The following IST1 variants were observed in gnomAD, a reference collection of about 807,000 sequenced individuals.
IST1 encodes IST1 homolog.
Under a neutral mutation model 37.0 loss-of-function variants are expected in IST1, and 23 were observed. The ratio of observed to expected loss-of-function variants is 0.62; its 90% CI spans 0.45 to 0.88. The LOEUF is 0.88. Ranked by LOEUF, IST1 falls within the 40% of genes least tolerant of loss-of-function variation. The pLI, the probability that IST1 is intolerant of heterozygous loss-of-function variation, is 0.00. For missense variants in IST1, 488 were observed against 445.4 expected (o/e 1.10, Z -0.86); for synonymous variants, 180 against 161.7 (o/e 1.11, Z -0.86).
chr16:71,930,010 C>T lies in IST1; in HGVS notation c.*2197C>T, dbSNP rs1182352202. ...AGGGGCAGTTACAGTGGAGCTTTCC[C>T]AGTGATATAACAGCATGCTAGTTTA... On this transcript the variant is annotated 3_prime_UTR_variant, in exon 10 of 10. Transcript: ENST00000378799. 2 of 1,521,502 alleles carry T rather than the reference C, an allele frequency of 1.3e-6. No individual in the cohort carries two copies. Among genetic ancestry groups the T allele is most frequent in the Non-Finnish European group, 1.8e-6 (2 of 1,131,810 alleles). 94.3% of individuals were successfully genotyped at this position (1,521,502 alleles called of 1,614,324 possible).
chr16:71,924,895 G>A, intron 9 of IST1, 78 bp downstream of exon 9: 1 of 1,026,422 alleles, frequency 9.7e-7, no homozygotes, highest in Non-Finnish European at 1.5e-6. Context: ...TCCTCCCTTA[G>A]AGACTGTTTC....
intron 1 of IST1, among the ~76,000 whole-genome samples, chr16:71,900,379 T>C (rs1462475560): frequency 7.2e-6 from 1 of 139,370 alleles, no homozygotes; most frequent in African/African-American, 2.7e-5. Context: ...CTACTTTGAA[T>C]AGAGCTTTCA....
intron 3 of IST1, 112 bp from the exon 4 acceptor site, chr16:71,916,935 A>C: frequency 1.5e-6 from 1 of 672,894 alleles, no homozygotes; most frequent in South Asian, 2.2e-5. Context: ...TATTGTGAGA[A>C]TCTAGTGAGA....
chr16:71,929,951 C>G lies in IST1; in HGVS notation c.*2138C>G. ...TGAAACTAATAAAGGGAATATGATA[C>G]TGTGCATTATAAATTATGTCAGCCC... On this transcript the variant is annotated 3_prime_UTR_variant, in exon 10 of 10. Coordinates refer to ENST00000378799, the MANE Select transcript of IST1 (RefSeq NM_001270975.2). 7.6e-7 allele frequency: 1 copy of G among 1,323,274 alleles called. No individual in the cohort carries two copies. The highest frequency in any genetic ancestry group is 1.5e-5 in the South Asian group (1 of 64,886). The allele number at this position is 1,323,274 out of a possible 1,614,324, so 82.0% of individuals were successfully genotyped here.
chr16:71,904,146 C>T (rs1021958400), intron 1 of IST1, among the ~76,000 whole-genome samples: 3 of 152,048 alleles, frequency 2.0e-5, no homozygotes, highest in African/African-American at 2.4e-5. Context: ...TGTTTTGAGA[C>T]GGAGTTTCGC....
At chr16:71,922,724 A>T in intron 7 of IST1, 44 bp downstream of exon 7, 1 of 1,497,194 alleles carries the variant, frequency 6.7e-7, no homozygotes, top group African/African-American at 1.4e-5. Context: ...AAAATGTTAT[A>T]GATAACAAGT....
At chr16:71,920,069 C>G (rs1031973919) in intron 4 of IST1, among the ~76,000 whole-genome samples, 1 of 152,124 alleles carries the variant, frequency 6.6e-6, no homozygotes, top group African/African-American at 2.4e-5. Context: ...GGAACTGGAC[C>G]TCACAGTCTG....
intron 3 of IST1, 93 bp downstream of exon 3, chr16:71,916,735 G>C: frequency 9.2e-7 from 1 of 1,082,278 alleles, no homozygotes; most frequent in South Asian, 1.6e-5. Flanking sequence ...TATTTCACAT[G>C]CCCAAGGATC....
chr16:71,919,835 G>A (rs2037540847), intron 4 of IST1, among the ~76,000 whole-genome samples: 2 of 152,178 alleles, frequency 1.3e-5, no homozygotes, highest in African/African-American at 4.8e-5. Flanking sequence ...AGTTGCAGTT[G>A]TACCTTTATC....
In IST1 at chr16:71,929,509, A is replaced by T. The variant is rs887330701; in HGVS notation, c.*1696A>T. ...AAAGATAAGTAGTAATACGCTAATA[A>T]ATACTAAGCCAAGTAGGAGATAACA... On this transcript the variant is annotated 3_prime_UTR_variant, in exon 10 of 10. Transcript: ENST00000378799. 4.6e-6 allele frequency: 7 copies of T among 1,531,212 alleles called. No individual in the cohort carries two copies. The African/African-American group carries it at 8.4e-5, about 18-fold the overall frequency. 94.9% of individuals were successfully genotyped at this position (1,531,212 alleles called of 1,614,324 possible).
chr16:71,910,038 G>A (rs1225541654), intron 1 of IST1, among the ~76,000 whole-genome samples: 1 of 152,004 alleles, frequency 6.6e-6, no homozygotes, highest in East Asian at 1.9e-4. Flanking sequence ...TTGTTATCTT[G>A]GTTATATATT....
intron 7 of IST1, 51 bp from the exon 8 acceptor site, chr16:71,923,237 A>G (rs781104068): frequency 9.4e-7 from 1 of 1,059,538 alleles, no homozygotes; most frequent in Non-Finnish European, 1.5e-6. Flanking sequence ...CAAACCTTCG[A>G]GATTGCAAAC....
chr16:71,899,086 G>A (rs1268096806), intron 1 of IST1, among the ~76,000 whole-genome samples: 1 of 152,040 alleles, frequency 6.6e-6, no homozygotes, highest in African/African-American at 2.4e-5. Context: ...GTGCATTTCA[G>A]TATTTATAGC....
At chr16:71,924,403 C>G in intron 8 of IST1, 1 of 390,858 alleles carries the variant, frequency 2.6e-6, no homozygotes, top group Non-Finnish European at 4.9e-6. Flanking sequence ...CCAGCCTGGG[C>G]AACATGGCGA....
At chr16:71,915,533 CTGTT>C in intron 1 of IST1, 89 bp from the exon 2 acceptor site, 1 of 730,590 alleles carries the variant, frequency 1.4e-6, no homozygotes, top group Non-Finnish European at 2.3e-6. Flanking sequence ...GAAAAACACT[CTGTT>C]TTTGTTTCAC....
intron 1 of IST1, among the ~76,000 whole-genome samples, chr16:71,907,873 C>T (rs1312343889): frequency 6.6e-6 from 1 of 152,182 alleles, no homozygotes; most frequent in African/African-American, 2.4e-5. Context: ...GTCAACTAAA[C>T]TAGACTCAAG....
Position 71,929,486 on chromosome 16 carries a change from A to AG in IST1, c.*1674dup. 1.4e-6 allele frequency: 2 copies of AG among 1,457,694 alleles called. No homozygotes were observed. Among genetic ancestry groups the AG allele is most frequent in the Non-Finnish European group, 1.8e-6 (2 of 1,092,638 alleles). The allele number at this position is 1,457,694 out of a possible 1,614,324, so 90.3% of individuals were successfully genotyped here. ...ATAATTTTAAAGCTATGCCATGCAA[A>AG]GATAAGTAGTAATACGCTAATAAAT... is the stretch of plus-strand genomic sequence containing the variant. On this transcript the variant is annotated 3_prime_UTR_variant, in exon 10 of 10. Transcript: ENST00000378799.
chr16:71,921,683 A>T, intron 6 of IST1: 2 of 449,506 alleles, frequency 4.4e-6, no homozygotes, highest in Non-Finnish European at 4.0e-6. Context: ...GTAAAATGGC[A>T]CTATTATTGC....
chr16:71,922,392 T>A, intron 6 of IST1, 82 bp from the exon 7 acceptor site: 2 of 1,163,648 alleles, frequency 1.7e-6, no homozygotes, highest in African/African-American at 1.5e-5. Context: ...TGCTTTATGC[T>A]AATCTCCATC....
Sources: allele counts gnomAD v4.1 joint callset (sites outside exome capture counted in the v4.1 genomes callset), GRCh38; gene constraint gnomAD v4.1.1; transcripts MANE v1.5; gene names NCBI Gene and HGNC (gene_info 2026-07-23, HGNC 2026-07-21).